Variants in SEMA4F observed in about 807,000 individuals in gnomAD.
SEMA4F encodes ssemaphorin 4F.
In SEMA4F, 51 loss-of-function variants were observed where a neutral mutation model predicts 78.4. The ratio of observed to expected loss-of-function variants is 0.65; its 90% CI spans 0.52 to 0.82. The LOEUF is 0.82. Among genes scored for constraint, SEMA4F ranks in the 40% least tolerant of loss-of-function variants. The probability of loss-of-function intolerance (pLI) is 0.00; values close to 1 mark genes in which losing one functional copy is unlikely to be tolerated. For synonymous variants in SEMA4F, 418 were observed against 408.7 expected, an observed-to-expected ratio of 1.02 and a Z score of -0.27; for missense variants, 938 against 1,014.4, an observed-to-expected ratio of 0.92 and a Z score of 1.02.
the SEMA4F span, among the ~76,000 whole-genome samples, chr2:74,690,300 G>T: frequency 2.0e-5 from 3 of 152,298 alleles, no homozygotes; most frequent in South Asian, 6.2e-4. Flanking sequence ...GTGTGGCATA[G>T]CACACAACAA....
rs143261584 is a variant in SEMA4F at position 74,673,817 on chromosome 2, C to T, written c.811C>T (p.Arg271Cys). 27 of 1,613,218 alleles carry T rather than the reference C, an allele frequency of 1.7e-5. No individual in the cohort carries two copies. The highest frequency in any genetic ancestry group is 2.2e-5 in the East Asian group (1 of 44,886). Reference sequence around the variant, plus strand: ...GCGCATTAAAGTCCCACGGGTGGCCCGTGTGTGTGCGGTGAGACCCCATCC... The same window carrying T: ...GCGCATTAAAGTCCCACGGGTGGCCTGTGTGTGTGCGGTGAGACCCCATCC... ...YERIKVPRVA[R>C]VCAGDLGGRK... The change falls in exon 7 of 14, where the codon CGT becomes TGT. Residue 271 changes from arginine to cysteine, a missense_variant. Coordinates refer to ENST00000357877, the MANE Select transcript of SEMA4F (RefSeq NM_004263.5).
In SEMA4F at chr2:74,663,773, C is replaced by G. The variant is rs1684542272; in HGVS notation, c.550+948C>G. Reference sequence around the variant, plus strand: ...CTGCCTGCATGACCCAAACACCTCACACTAGGTCCACCTCCAACATTGGAG... The same window carrying G: ...CTGCCTGCATGACCCAAACACCTCAGACTAGGTCCACCTCCAACATTGGAG... On this transcript the variant is annotated intron_variant, in intron 5 of 13. Transcript: ENST00000357877. Among the ~76,000 whole-genome samples, 4 of 152,320 alleles carry G rather than the reference C, an allele frequency of 2.6e-5. No homozygotes were observed. In the South Asian group the frequency reaches 8.3e-4, roughly 32 times the overall value.
chr2:74,701,625 C>T, the SEMA4F span, among the ~76,000 whole-genome samples: 5 of 152,192 alleles, frequency 3.3e-5, no homozygotes, highest in Non-Finnish European at 7.3e-5. Context: ...TGTTTGTAGC[C>T]TCTATCTTCA....
At chr2:74,691,925 CT>C in the SEMA4F span, among the ~76,000 whole-genome samples, 1 of 152,176 alleles carries the variant, frequency 6.6e-6, no homozygotes, top group Non-Finnish European at 1.5e-5. Flanking sequence ...GGCTCGGTCA[CT>C]CCATTGCTGC....
chr2:74,708,429 T>G, the SEMA4F span, among the ~76,000 whole-genome samples: 1 of 152,206 alleles, frequency 6.6e-6, no homozygotes, highest in African/African-American at 2.4e-5. Context: ...TCAGTGATTA[T>G]GTCAGTGAAG....
At position 74,656,667 on chromosome 2, in the gene SEMA4F, A is replaced by G. The variant is rs760395735; in HGVS notation, c.279A>G (p.Ser93=). 22 of 1,614,016 alleles carry G rather than the reference A, an allele frequency of 1.4e-5. No homozygotes were observed. The South Asian group carries it at 2.3e-4, about 17-fold the overall frequency. Residue 93 remains serine, a synonymous_variant, in exon 2 of 14, where the codon TCA becomes TCG. Transcript: ENST00000357877. ...TCTTCGCTTTATCCCTGCCCTTCTCAGGGGAGAGACCCCGCAGGGTGAGAG... is the reference window on the plus strand; with the variant it reads ...TCTTCGCTTTATCCCTGCCCTTCTCGGGGGAGAGACCCCGCAGGGTGAGAG... ...DTIFALSLPF[S]GERPRRIDWM...
At chr2:74,694,457 C>T in the SEMA4F span, among the ~76,000 whole-genome samples, 1 of 152,240 alleles carries the variant, frequency 6.6e-6, no homozygotes, top group Admixed American at 6.5e-5. Flanking sequence ...AGGTCCCCAG[C>T]TAGGAAGTAG....
At chr2:74,671,180 C>T (rs1027423779) in intron 5 of SEMA4F, among the ~76,000 whole-genome samples, 3 of 152,224 alleles carry the variant, frequency 2.0e-5, no homozygotes, top group Non-Finnish European at 4.4e-5. Context: ...GGCTCCCAAA[C>T]ACTTGGATTC....
Position 74,680,417 on chromosome 2 carries a change from C to G in SEMA4F, c.*208C>G, listed in dbSNP as rs1164454321. Reference sequence around the variant, plus strand: ...CTGATTCCTGATTCCCATGAGAAATCAGAACTGCTTTCTGCAGCAAATCAG... The same window carrying G: ...CTGATTCCTGATTCCCATGAGAAATGAGAACTGCTTTCTGCAGCAAATCAG... On this transcript the variant is annotated 3_prime_UTR_variant, in exon 14 of 14. Coordinates refer to ENST00000357877, the MANE Select transcript of SEMA4F (RefSeq NM_004263.5). 2 of 538,180 alleles carry G rather than the reference C, an allele frequency of 3.7e-6. No individual in the cohort carries two copies. Among genetic ancestry groups the G allele is most frequent in the Non-Finnish European group, 6.3e-6 (2 of 317,492 alleles). 33.3% of individuals were successfully genotyped at this position (538,180 alleles called of 1,614,324 possible).
chr2:74,667,547 G>A (rs909237346), intron 5 of SEMA4F, among the ~76,000 whole-genome samples: 1 of 152,174 alleles, frequency 6.6e-6, no homozygotes, highest in Non-Finnish European at 1.5e-5. Flanking sequence ...AATTTTTCAT[G>A]TGTTTATTGG....
chr2:74,693,964 C>A, the SEMA4F span, among the ~76,000 whole-genome samples: 1 of 152,164 alleles, frequency 6.6e-6, no homozygotes, highest in Non-Finnish European at 1.5e-5. Context: ...AAAGTAAATT[C>A]TCAGAAACGG....
chr2:74,695,081 T>A, the SEMA4F span, among the ~76,000 whole-genome samples: 35 of 152,192 alleles, frequency 2.3e-4, no homozygotes, highest in African/African-American at 6.5e-4. Flanking sequence ...TTTTTTATTA[T>A]TTGAAATTTT....
downstream of SEMA4F, among the ~76,000 whole-genome samples, chr2:74,685,135 C>T (rs1685790726): frequency 6.6e-6 from 1 of 152,204 alleles, no homozygotes; most frequent in African/African-American, 2.4e-5. Context: ...CCTCTCCTTT[C>T]TTCTGTCTCC....
In SEMA4F at chr2:74,675,891, A is replaced by G. The variant is rs767332023; in HGVS notation, c.1625A>G (p.His542Arg). 4 of 1,613,100 alleles carry G rather than the reference A, an allele frequency of 2.5e-6. No individual in the cohort carries two copies. Among genetic ancestry groups the G allele is most frequent in the Non-Finnish European group, 3.4e-6 (4 of 1,179,596 alleles). ...TTCCGGCTGGATGAGTGTGTGGCCCATGCCGGGGAGCACCGAGGGTGAGTG... is the reference window on the plus strand; with the variant it reads ...TTCCGGCTGGATGAGTGTGTGGCCCGTGCCGGGGAGCACCGAGGGTGAGTG... ...WSFRLDECVA[H>R]AGEHRGLVQD... is the part of the protein sequence containing the mutation. The change falls in exon 12 of 14, where the codon CAT (histidine) becomes CGT (arginine). Residue 542 changes from histidine (H) to arginine (R), a missense_variant. Transcript: ENST00000357877.
chr2:74,676,000 C>A (rs1685262282), intron 12 of SEMA4F, 91 bp downstream of exon 12: 1 of 1,405,242 alleles, frequency 7.1e-7, no homozygotes, highest in African/African-American at 1.4e-5. Context: ...TGCTGCCCTG[C>A]CGGAGGCTGT....
At position 74,675,900 on chromosome 2, in the gene SEMA4F, A is replaced by G. The variant is rs1341969531; in HGVS notation, c.1634A>G (p.Glu545Gly). Reference protein sequence around the residue: ...RLDECVAHAGEHRGLVQDIES... With the variant: ...RLDECVAHAGGHRGLVQDIES... ...GATGAGTGTGTGGCCCATGCCGGGG[A>G]GCACCGAGGGTGAGTGTAGCTGCCT... Residue 545 changes from glutamate (E) to glycine (G), a missense_variant, in exon 12 of 14, where the codon GAG becomes GGG. Physicochemically the swap from Glu to Gly is moderately conservative, Grantham distance 98. Transcript: ENST00000357877. 6.2e-7 allele frequency: 1 copy of G among 1,611,962 alleles called. No homozygotes were observed. The highest frequency in any genetic ancestry group is 8.5e-7 in the Non-Finnish European group (1 of 1,179,170).
At chr2:74,667,526 T>G (rs1023805052) in intron 5 of SEMA4F, among the ~76,000 whole-genome samples, 3 of 152,206 alleles carry the variant, frequency 2.0e-5, no homozygotes, top group African/African-American at 7.2e-5. Context: ...TTTCTTTTAG[T>G]GAGGTTGAAC....
At chr2:74,709,093 T>G in the SEMA4F span, among the ~76,000 whole-genome samples, 8 of 152,286 alleles carry the variant, frequency 5.3e-5, no homozygotes, top group East Asian at 1.4e-3. Context: ...TGAGTCCAGA[T>G]GGCAGAGGTT....
intron 7 of SEMA4F, 42 bp downstream of exon 7, chr2:74,673,870 T>C: frequency 1.3e-6 from 2 of 1,591,628 alleles, no homozygotes; most frequent in African/African-American, 1.3e-5. Flanking sequence ...TCTCCTGCTC[T>C]GTCTGTCCCC....
Sources: allele counts gnomAD v4.1 joint callset (sites outside exome capture counted in the v4.1 genomes callset), GRCh38; gene constraint gnomAD v4.1.1; transcripts MANE v1.5; gene names NCBI Gene and HGNC (gene_info 2026-07-23, HGNC 2026-07-21).